OCM: variants seen among roughly 807,000 people sequenced by gnomAD.
The protein encoded by OCM is oncomodulin, also known as oncomodulin-1.
Under a neutral mutation model 14.1 loss-of-function variants are expected in OCM, and 18 were observed. The ratio of observed to expected loss-of-function variants is 1.28; its 90% CI spans 0.88 to 1.89. The LOEUF (loss-of-function observed/expected upper bound fraction) is 1.89. OCM is among the 40% of genes most tolerant of loss of function. OCM has a pLI of 0.00. For synonymous variants in OCM, 48 were observed against 51.0 expected, an observed-to-expected ratio of 0.94 and a Z score of 0.25; for missense variants, 140 against 137.6, an observed-to-expected ratio of 1.02 and a Z score of -0.09.
At chr7:5,876,701 A>T (rs1295368915), upstream of OCM, among the ~76,000 whole-genome samples, 1 of 152,130 alleles carries the variant, frequency 6.6e-6, no homozygotes, top group African/African-American at 2.4e-5. Context: ...TAGGGCGTAT[A>T]CCATCCTGGT....
chr7:5,869,709 T>C, the OCM span, among the ~76,000 whole-genome samples: 1 of 152,158 alleles, frequency 6.6e-6, no homozygotes, highest in Non-Finnish European at 1.5e-5. Context: ...CCCACCTGCG[T>C]TACCCCAGAA....
rs60321561 is a variant in OCM at position 5,882,085 on chromosome 7, CAAAAAAAAA to C, written c.62-382_62-374del. ...CTGGTGACAGAGTGAGACTCTGTCT[CAAAAAAAAA>C]AAAAAAAAAAAAAAAAAAAAAAAAA... On this transcript the variant is annotated intron_variant, in intron 1 of 3. Coordinates refer to ENST00000242104, the MANE Select transcript of OCM (RefSeq NM_001097622.2). Among the ~76,000 whole-genome samples the C allele has an allele frequency of 2.8e-4, 13 of 45,966 alleles. 1 individual carries two copies. The highest frequency in any genetic ancestry group is 1.0e-3 in the African/African-American group (11 of 10,656). The allele number at this position is 45,966 out of a possible 152,430, so 30.2% of individuals were successfully genotyped here. A position where few individuals can be genotyped will look rare whatever the true frequency, so the allele number is the denominator to read the frequency against.
upstream of OCM, among the ~76,000 whole-genome samples, chr7:5,878,694 C>T (rs1035377588): frequency 1.3e-5 from 2 of 151,242 alleles, no homozygotes; most frequent in African/African-American, 2.4e-5. Flanking sequence ...TTGCAGTGAG[C>T]CAAGATCATG....
At chr7:5,875,479 A>AT (rs1265339117), upstream of OCM, among the ~76,000 whole-genome samples, 10 of 151,540 alleles carry the variant, frequency 6.6e-5, no homozygotes, top group Non-Finnish European at 1.2e-4. Context: ...TAAATATAAT[A>AT]TTTTTCTACA....
At chr7:5,874,755 C>T in the OCM span, among the ~76,000 whole-genome samples, 2 of 152,070 alleles carry the variant, frequency 1.3e-5, no homozygotes, top group African/African-American at 4.8e-5. Context: ...ATTTTCACGC[C>T]TCAGCCTTCC....
chr7:5,871,269 C>G, the OCM span, among the ~76,000 whole-genome samples: 2 of 150,854 alleles, frequency 1.3e-5, no homozygotes, highest in African/African-American at 4.9e-5. Flanking sequence ...GTGGGAGGAT[C>G]ACTTGAGCCC....
upstream of OCM, among the ~76,000 whole-genome samples, chr7:5,878,296 G>T (rs1781136605): frequency 6.6e-6 from 1 of 151,786 alleles, no homozygotes; most frequent in South Asian, 2.1e-4. Context: ...AAAGTACAAT[G>T]ATGCTTACCA....
At chr7:5,860,533 TATATATTAC>T in the OCM span, among the ~76,000 whole-genome samples, 4 of 112,626 alleles carry the variant, frequency 3.6e-5, no homozygotes, top group African/African-American at 1.1e-4. Flanking sequence ...TACGTGTGTA[TATATATTAC>T]GTATATATAC....
chr7:5,884,014 G>T lies in OCM; in HGVS notation c.304+15G>T, dbSNP rs747858331. ...TGGAGCAGAGGGTATGTCCACACGT[G>T]TACGTAGCATAAAACACTCTAGCTC... On this transcript the variant is annotated intron_variant, in intron 3 of 3. Transcript: ENST00000242104. 5.6e-6 allele frequency: 9 copies of T among 1,610,738 alleles called. No individual in the cohort carries two copies. Among genetic ancestry groups the T allele is most frequent in the Non-Finnish European group, 6.8e-6 (8 of 1,178,170 alleles).
intron 1 of OCM, among the ~76,000 whole-genome samples, chr7:5,881,956 G>A (rs1171042678): frequency 6.6e-6 from 1 of 151,578 alleles, no homozygotes; most frequent in African/African-American, 2.4e-5. Context: ...GCATGGGGGT[G>A]CACACCTGTA....
the OCM span, among the ~76,000 whole-genome samples, chr7:5,873,313 G>A: frequency 1.3e-5 from 2 of 152,030 alleles, no homozygotes; most frequent in African/African-American, 4.8e-5. Flanking sequence ...GGAGGTAGAG[G>A]TCGCAGTGAG....
At chr7:5,869,211 G>C in the OCM span, among the ~76,000 whole-genome samples, 3 of 152,218 alleles carry the variant, frequency 2.0e-5, no homozygotes, top group Admixed American at 6.5e-5. Context: ...GGAAGCATGA[G>C]TGTTCCCCAC....
Position 5,880,931 on chromosome 7 carries a change from A to C in OCM, c.42A>C (p.Ala14=), listed in dbSNP as rs1324917460. ...TGCTCAGTGCTGACGACATTGCAGCAGCGCTCCAGGAATGCCGAGGTAGAG... is the reference window on the plus strand; with the variant it reads ...TGCTCAGTGCTGACGACATTGCAGCCGCGCTCCAGGAATGCCGAGGTAGAG... ...TDVLSADDIA[A]ALQECRDPDT... The change falls in exon 1 of 4, where the codon GCA becomes GCC. Residue 14 remains alanine (A), a synonymous_variant. Transcript: ENST00000242104. 6.2e-7 allele frequency: 1 copy of C among 1,613,692 alleles called. No homozygotes were observed.
At chr7:5,862,781 C>T in the OCM span, among the ~76,000 whole-genome samples, 1 of 151,874 alleles carries the variant, frequency 6.6e-6, no homozygotes, top group East Asian at 1.9e-4. Context: ...AAATGTAGAT[C>T]TACTGAGCTC....
chr7:5,860,513 C>G, the OCM span, among the ~76,000 whole-genome samples: 2 of 121,772 alleles, frequency 1.6e-5, no homozygotes, highest in Non-Finnish European at 3.4e-5. Flanking sequence ...CGTATATATA[C>G]GTGTATATAT....
chr7:5,884,036 G>C (rs774549544), intron 3 of OCM, 37 bp downstream of exon 3: 1 of 1,606,566 alleles, frequency 6.2e-7, no homozygotes, highest in Admixed American at 1.7e-5. Flanking sequence ...AAACACTCTA[G>C]CTCAGGAAGC....
chr7:5,865,608 A>G, the OCM span, among the ~76,000 whole-genome samples: 2 of 152,222 alleles, frequency 1.3e-5, no homozygotes, highest in East Asian at 3.8e-4. Context: ...GCAAAATTAT[A>G]TTACAGTTGC....
At chr7:5,863,155 C>G in the OCM span, among the ~76,000 whole-genome samples, 6 of 152,242 alleles carry the variant, frequency 3.9e-5, no homozygotes, top group African/African-American at 1.4e-4. Context: ...CTAATCAGAG[C>G]CTTGGGAGAA....
the OCM span, among the ~76,000 whole-genome samples, chr7:5,867,232 T>C: frequency 6.6e-6 from 1 of 152,146 alleles, no homozygotes; most frequent in Non-Finnish European, 1.5e-5. Context: ...GGCGTGCACC[T>C]GTAATCCCAC....
Sources: allele counts gnomAD v4.1 joint callset (sites outside exome capture counted in the v4.1 genomes callset), GRCh38; gene constraint gnomAD v4.1.1; transcripts MANE v1.5; gene names NCBI Gene and HGNC (gene_info 2026-07-23, HGNC 2026-07-21).